The following GIT1 variants were observed in gnomAD, a reference collection of about 807,000 sequenced individuals.
The protein encoded by GIT1 is GIT ArfGAP 1, also known as ARF GTPase-activating protein GIT1.
Under a neutral mutation model 91.7 loss-of-function variants are expected in GIT1, and 14 were observed. The ratio of observed to expected loss-of-function variants is 0.15; its 90% CI spans 0.10 to 0.24. The LOEUF is 0.24. Ranked by LOEUF, GIT1 falls within the 10% of genes least tolerant of loss-of-function variation. The pLI is 1.00. For synonymous variants in GIT1, 414 were observed against 418.2 expected (o/e 0.99, Z 0.12); for missense variants, 717 against 1,024.9 (o/e 0.70, Z 4.10).
chr17:29,583,017 G>A lies in GIT1; in HGVS notation c.207C>T (p.Ser69=). 6.2e-7 allele frequency: 1 copy of A among 1,609,970 alleles called. No homozygotes were observed. Among genetic ancestry groups the A allele is most frequent in the South Asian group, 1.1e-5 (1 of 91,060 alleles). The part of the protein sequence containing the change: ...TLLQMVHTLA[S]NGANSIWEHS... ...GCTCCCAGATGGAGTTGGCCCCGTT[G>A]CTGGCAAGCGTGTGCACCATCTGCA... is the stretch of plus-strand genomic sequence containing the variant. Residue 69 remains serine (S), a synonymous_variant, in exon 3 of 20, where the codon AGC becomes AGT. Transcript: ENST00000225394.
rs932255653 is a variant in GIT1 at position 29,589,475 on chromosome 17, TCCGGCGAGGCC to T, written c.-108_-98del. The T allele has an allele frequency of 3.3e-4, 124 of 371,582 alleles. No individual in the cohort carries two copies. The highest frequency in any genetic ancestry group is 2.5e-3 in the African/African-American group (111 of 44,462). 23.0% of individuals were successfully genotyped at this position (371,582 alleles called of 1,614,324 possible). A position where few individuals can be genotyped will look rare whatever the true frequency, so the allele number is the denominator to read the frequency against. ...GGCGGCCCCTGCTGCCCGGCCCGGC[TCCGGCGAGGCC>T]CCGGCGAGGCTCCGCGCGCCCGGCC... On this transcript the variant is annotated 5_prime_UTR_variant, in exon 1 of 20. Coordinates refer to ENST00000225394, the MANE Select transcript of GIT1 (RefSeq NM_014030.4). The surrounding 1 kb of genome is among the most constrained non-coding windows in gnomAD (Gnocchi z 5.2).
At chr17:29,584,532 C>G (rs2033516570) in intron 1 of GIT1, among the ~76,000 whole-genome samples, 2 of 152,306 alleles carry the variant, frequency 1.3e-5, no homozygotes, top group African/African-American at 4.8e-5. Context: ...CCTTGGGAGA[C>G]AGCTGCATAC....
In GIT1 at chr17:29,583,631, G is replaced by C; in HGVS notation, c.53-15C>G. ...CCAGCCAGGGTCTGCCAGGGTGAGG[G>C]CAAGGGTCAGCCGGAGCCAGATGAT... On this transcript the variant is annotated splice_polypyrimidine_tract_variant and intron_variant, in intron 1 of 19. Coordinates refer to ENST00000225394, the MANE Select transcript of GIT1 (RefSeq NM_014030.4). The C allele has an allele frequency of 6.4e-7, 1 of 1,567,688 alleles. No individual in the cohort carries two copies. The highest frequency in any genetic ancestry group is 8.6e-7 in the Non-Finnish European group (1 of 1,158,770).
Position 29,589,186 on chromosome 17 carries a change from C to T in GIT1, c.52+141G>A. 1 of 227,264 alleles carries T rather than the reference C, an allele frequency of 4.4e-6. No individual in the cohort carries two copies. The highest frequency in any genetic ancestry group is 7.4e-6 in the Non-Finnish European group (1 of 135,918). 14.1% of individuals were successfully genotyped at this position (227,264 alleles called of 1,614,324 possible). A position where few individuals can be genotyped will look rare whatever the true frequency, so the allele number is the denominator to read the frequency against. On this transcript the variant is annotated intron_variant, in intron 1 of 19. Transcript: ENST00000225394. This position sits in a 1 kb window ranked among gnomAD's most constrained non-coding sequence, Gnocchi z 5.2. ...GCCAAGGGCGCAGCTCCGCAGTGGC[C>T]GAGGCGGGGGCCCAGCCTGGAGGCC... is the stretch of plus-strand genomic sequence containing the variant.
In GIT1 at chr17:29,583,947, G is replaced by A. The variant is rs1598577339; in HGVS notation, c.53-331C>T. The A allele has an allele frequency of 1.2e-5, 4 of 342,916 alleles. No homozygotes were observed. In the East Asian group the frequency reaches 1.5e-4, roughly 13 times the overall value. 21.2% of individuals were successfully genotyped at this position (342,916 alleles called of 1,614,324 possible). ...CCTTTTCCCAGGAAACGAGGTCTCT[G>A]CCCCAGCCCGTCCCGAAGGGAGGAA... On this transcript the variant is annotated intron_variant, in intron 1 of 19. Coordinates refer to ENST00000225394, the MANE Select transcript of GIT1 (RefSeq NM_014030.4).
Position 29,578,785 on chromosome 17 carries a change from G to A in GIT1, c.762-6C>T. 1.9e-6 allele frequency: 3 copies of A among 1,613,858 alleles called. No individual in the cohort carries two copies. The highest frequency in any genetic ancestry group is 2.2e-5 in the South Asian group (2 of 91,072). Reference sequence around the variant, plus strand: ...CCAATTCGGATAAGTCAAGGCTGAGGGCAGAGGGAGATGGGAATTGGGAGG... The same window carrying A: ...CCAATTCGGATAAGTCAAGGCTGAGAGCAGAGGGAGATGGGAATTGGGAGG... On this transcript the variant is annotated splice_region_variant and splice_polypyrimidine_tract_variant and intron_variant, in intron 7 of 19. Transcript: ENST00000225394.
intron 4 of GIT1, 53 bp from the exon 5 acceptor site, chr17:29,582,197 C>A (rs2033422623): frequency 2.2e-6 from 3 of 1,354,002 alleles, no homozygotes; most frequent in Non-Finnish European, 3.0e-6. Context: ...GCGCACCTCC[C>A]CACCCACAAG....
intron 12 of GIT1, 52 bp downstream of exon 12, chr17:29,576,811 C>A (rs758686079): frequency 1.3e-6 from 2 of 1,575,272 alleles, no homozygotes; most frequent in Admixed American, 3.7e-5. Flanking sequence ...TGGGCCTCAG[C>A]GAAGGCCTGG....
intron 7 of GIT1, chr17:29,579,081 A>G: frequency 8.9e-7 from 1 of 1,123,054 alleles, no homozygotes. Context: ...CATCAGGCCC[A>G]GACCCATCTC....
intron 7 of GIT1, 142 bp from the exon 8 acceptor site, chr17:29,578,921 A>AC (rs2033306123): frequency 1.2e-6 from 2 of 1,607,630 alleles, no homozygotes; most frequent in African/African-American, 2.7e-5. Flanking sequence ...TCCCCGCCCT[A>AC]CCCCACCTTC....
chr17:29,583,654 G>A (rs763722035), intron 1 of GIT1, 38 bp from the exon 2 acceptor site: 33 of 1,543,526 alleles, frequency 2.1e-5, no homozygotes, highest in Non-Finnish European at 2.5e-5. Flanking sequence ...GGAGCCAGAT[G>A]ATGGGCCAGA....
chr17:29,575,715 A>C lies in GIT1; in HGVS notation c.1753-12T>G. 2 of 1,612,094 alleles carry C rather than the reference A, an allele frequency of 1.2e-6. No individual in the cohort carries two copies. The highest frequency in any genetic ancestry group is 1.7e-6 in the Non-Finnish European group (2 of 1,179,806). ...CGGGAAAGCTTGCTCTGGAGGGCGGAGGGAAGGGGCTGTGAGCGCCGTGTT... is the reference window on the plus strand; with the variant it reads ...CGGGAAAGCTTGCTCTGGAGGGCGGCGGGAAGGGGCTGTGAGCGCCGTGTT... On this transcript the variant is annotated splice_polypyrimidine_tract_variant and intron_variant, in intron 16 of 19. Transcript: ENST00000225394. This position sits in a 1 kb window ranked among gnomAD's most constrained non-coding sequence, Gnocchi z 5.5.
chr17:29,579,710 G>A (rs1179666331), intron 7 of GIT1, among the ~76,000 whole-genome samples: 2 of 151,386 alleles, frequency 1.3e-5, no homozygotes, highest in African/African-American at 4.9e-5. Flanking sequence ...GCAACAGAGC[G>A]AGACCCCAAC....
At position 29,589,294 on chromosome 17, in the gene GIT1, G is replaced by A; in HGVS notation, c.52+33C>T. On this transcript the variant is annotated intron_variant, in intron 1 of 19. Transcript: ENST00000225394. This position sits in a 1 kb window ranked among gnomAD's most constrained non-coding sequence, Gnocchi z 5.2. ...GCGCCCGCCCGGCGGCGGCCTGGCT[G>A]TGCGGTCCCGCCCCCGGCCCCGCCG... The A allele has an allele frequency of 1.0e-6, 1 of 974,322 alleles. No individual in the cohort carries two copies. Among genetic ancestry groups the A allele is most frequent in the Non-Finnish European group, 1.2e-6 (1 of 816,156 alleles). The allele number at this position is 974,322 out of a possible 1,614,324, so 60.4% of individuals were successfully genotyped here. A position where few individuals can be genotyped will look rare whatever the true frequency, so the allele number is the denominator to read the frequency against.
In GIT1 at chr17:29,583,463, C is replaced by G. The variant is rs1339845687; in HGVS notation, c.186+20G>C. On this transcript the variant is annotated intron_variant, in intron 2 of 19. Transcript: ENST00000225394. ...ACTCTGCCTGAGGGGAAGGAAGAAC[C>G]ACCCGACTGAGCCCTGTACCTGCAG... 1 of 1,609,090 alleles carries G rather than the reference C, an allele frequency of 6.2e-7. No homozygotes were observed. Among genetic ancestry groups the G allele is most frequent in the Non-Finnish European group, 8.5e-7 (1 of 1,178,772 alleles).
chr17:29,578,377 G>T lies in GIT1; in HGVS notation c.811-6C>A. The T allele has an allele frequency of 6.2e-7, 1 of 1,613,824 alleles. No individual in the cohort carries two copies. Among genetic ancestry groups the T allele is most frequent in the Non-Finnish European group, 8.5e-7 (1 of 1,179,694 alleles). Reference sequence around the variant, plus strand: ...TCAAAAAGCCGGTTGCTGAGCTGGAGGAAGAGAGGGGCCCAGATGTTGTCA... The same window carrying T: ...TCAAAAAGCCGGTTGCTGAGCTGGATGAAGAGAGGGGCCCAGATGTTGTCA... On this transcript the variant is annotated splice_region_variant and splice_polypyrimidine_tract_variant and intron_variant, in intron 8 of 19. Transcript: ENST00000225394.
intron 14 of GIT1, 23 bp from the exon 15 acceptor site, chr17:29,576,154 C>T (rs201494901): frequency 4.3e-6 from 7 of 1,612,974 alleles, no homozygotes; most frequent in East Asian, 4.5e-5. Flanking sequence ...GCACAGCGAG[C>T]GTCATGGTGG....
chr17:29,583,818 C>A, intron 1 of GIT1: 1 of 606,432 alleles, frequency 1.6e-6, no homozygotes, highest in Non-Finnish European at 2.9e-6. Flanking sequence ...GCTGACAGAG[C>A]CATGCCCTTT....
chr17:29,581,562 C>T lies in GIT1; in HGVS notation c.718+180G>A, dbSNP rs763977793. On this transcript the variant is annotated intron_variant, in intron 6 of 19. Coordinates refer to ENST00000225394, the MANE Select transcript of GIT1 (RefSeq NM_014030.4). This position sits in a 1 kb window ranked among gnomAD's most constrained non-coding sequence, Gnocchi z 4.8. ...GGATGCAGGATGCCCACCCCCACTCCCTAGCCCCAGCGATGCTATGGCCCA... is the reference window on the plus strand; with the variant it reads ...GGATGCAGGATGCCCACCCCCACTCTCTAGCCCCAGCGATGCTATGGCCCA... 2.7e-5 allele frequency: 19 copies of T among 701,194 alleles called. No individual in the cohort carries two copies. Among genetic ancestry groups the T allele is most frequent in the Non-Finnish European group, 4.8e-5 (19 of 398,476 alleles). The allele number at this position is 701,194 out of a possible 1,614,324, so 43.4% of individuals were successfully genotyped here. A position where few individuals can be genotyped will look rare whatever the true frequency, so the allele number is the denominator to read the frequency against.
Sources: gnomAD v4.1 joint callset for allele counts (sites outside exome capture counted in the v4.1 genomes callset) on GRCh38, gnomAD v4.1.1 for gene constraint, Gnocchi (gnomAD v3.1) non-coding constraint, MANE v1.5 for transcripts, NCBI Gene and HGNC (gene_info 2026-07-23, HGNC 2026-07-21) for gene names.